Variants in KIAA0319 observed in about 807,000 individuals in gnomAD.
The protein encoded by KIAA0319 is dyslexia-associated protein KIAA0319.
KIAA0319 carries 83 observed loss-of-function variants against 108.4 expected under a neutral mutation model. The observed-to-expected ratio is 0.77, with a 90% CI of 0.64 to 0.92. The LOEUF is 0.92. Among genes scored for constraint, KIAA0319 ranks in the 40% least tolerant of loss-of-function variants. KIAA0319 has a pLI of 0.00. For missense variants in KIAA0319, 1,195 were observed against 1,322.4 expected (o/e 0.90, Z 1.49); for synonymous variants, 484 against 510.4 (o/e 0.95, Z 0.70).
rs545266419 is a variant in KIAA0319 at position 24,587,274 on chromosome 6, T to C, written c.994+1319A>G. On this transcript the variant is annotated intron_variant, in intron 4 of 20. Coordinates refer to ENST00000378214, the MANE Select transcript of KIAA0319 (RefSeq NM_014809.4). ...TAGTCAACTCCACACTATTTTCTTT[T>C]TTTTCCTTTTTTTTTGGTTTGAGAC... Among the ~76,000 whole-genome samples, 20 of 149,450 alleles carry C rather than the reference T, an allele frequency of 1.3e-4. No individual in the cohort carries two copies. The East Asian group carries it at 4.7e-3, about 35-fold the overall frequency.
chr6:24,587,663 T>G (rs1315314426), intron 4 of KIAA0319, among the ~76,000 whole-genome samples: 1 of 152,090 alleles, frequency 6.6e-6, no homozygotes, highest in Non-Finnish European at 1.5e-5. Context: ...CTCAGCTAAC[T>G]GCAACCTCTG....
At chr6:24,581,795 A>T (rs1329333715) in intron 6 of KIAA0319, among the ~76,000 whole-genome samples, 1 of 152,220 alleles carries the variant, frequency 6.6e-6, no homozygotes, top group Non-Finnish European at 1.5e-5. Context: ...CTGCCTGCCT[A>T]CTTGCATGCC....
chr6:24,574,913 G>T (rs1249813316), intron 10 of KIAA0319, among the ~76,000 whole-genome samples: 1 of 152,204 alleles, frequency 6.6e-6, no homozygotes, highest in East Asian at 1.9e-4. Context: ...GATCTGGTAC[G>T]AGAATGCTTC....
Position 24,544,448 on chromosome 6 carries a change from G to T in KIAA0319, c.*2717C>A, listed in dbSNP as rs903431201. 7.9e-5 allele frequency: 12 copies of T among 152,276 alleles called. No homozygotes were observed. The highest frequency in any genetic ancestry group is 2.6e-4 in the African/African-American group (11 of 41,544). 9.4% of individuals were successfully genotyped at this position (152,276 alleles called of 1,614,324 possible). A position where few individuals can be genotyped will look rare whatever the true frequency, so the allele number is the denominator to read the frequency against. ...AATATATTTTAAGCAATAAAACCAA[G>T]ATTAAAATAGTCCATGATAGCTTTG... On this transcript the variant is annotated 3_prime_UTR_variant, in exon 21 of 21. Coordinates refer to ENST00000378214, the MANE Select transcript of KIAA0319 (RefSeq NM_014809.4).
At chr6:24,554,332 C>A (rs948335397) in intron 19 of KIAA0319, among the ~76,000 whole-genome samples, 1 of 152,164 alleles carries the variant, frequency 6.6e-6, no homozygotes, top group East Asian at 1.9e-4. Context: ...GATACAGAAT[C>A]GTTGACCCTC....
At chr6:24,581,043 A>G (rs1582050178) in intron 6 of KIAA0319, 30 bp from the exon 7 acceptor site, 1 of 1,413,442 alleles carries the variant, frequency 7.1e-7, no homozygotes. Flanking sequence ...TGTACAGTTC[A>G]ACATGCAAGA....
At chr6:24,557,584 T>G (rs562682956) in intron 17 of KIAA0319, among the ~76,000 whole-genome samples, 44 of 152,340 alleles carry the variant, frequency 2.9e-4, no homozygotes, top group African/African-American at 1.0e-3. Flanking sequence ...TGGCAATTAT[T>G]GAGGACATGC....
At chr6:24,643,990 G>A (rs891542350) in intron 1 of KIAA0319, among the ~76,000 whole-genome samples, 1 of 152,206 alleles carries the variant, frequency 6.6e-6, no homozygotes, top group Non-Finnish European at 1.5e-5. Flanking sequence ...TTCCAGAAAC[G>A]GGCATACCTG....
chr6:24,557,775 A>G (rs1762508051), intron 17 of KIAA0319, among the ~76,000 whole-genome samples: 1 of 145,426 alleles, frequency 6.9e-6, no homozygotes, highest in African/African-American at 2.7e-5. Context: ...TTTTTTTTTT[A>G]AGAGACAAGG....
intron 1 of KIAA0319, among the ~76,000 whole-genome samples, chr6:24,618,342 C>T (rs558505843): frequency 2.0e-4 from 31 of 152,120 alleles, no homozygotes; most frequent in Non-Finnish European, 3.5e-4. Flanking sequence ...AGTAGAATGA[C>T]TCACAGTTAT....
intron 6 of KIAA0319, 112 bp downstream of exon 6, chr6:24,582,137 C>T (rs1766656388): frequency 2.9e-6 from 2 of 688,700 alleles, no homozygotes; most frequent in African/African-American, 1.8e-5. Flanking sequence ...CAGAGCAAGA[C>T]TCTGTCCCCA....
At chr6:24,607,001 T>A (rs1262181799) in intron 1 of KIAA0319, among the ~76,000 whole-genome samples, 1 of 152,188 alleles carries the variant, frequency 6.6e-6, no homozygotes, top group Non-Finnish European at 1.5e-5. Flanking sequence ...AACCTTTGAA[T>A]TCTTGAGGAA....
Position 24,601,044 on chromosome 6 carries a change from C to T in KIAA0319, c.55+5G>A, listed in dbSNP as rs1467296523. The T allele has an allele frequency of 6.2e-7, 1 of 1,613,754 alleles. No individual in the cohort carries two copies. The highest frequency in any genetic ancestry group is 8.5e-7 in the Non-Finnish European group (1 of 1,179,964). ...ACGGGTATCTCCAGGGTAGTAGTTC[C>T]CTACCTGCAATTGTCACCAGCAGCA... On this transcript the variant is annotated splice_donor_5th_base_variant and intron_variant, in intron 2 of 20. Coordinates refer to ENST00000378214, the MANE Select transcript of KIAA0319 (RefSeq NM_014809.4).
rs551142879 is a variant in KIAA0319 at position 24,609,393 on chromosome 6, A to G, written c.-105-8185T>C. Among the ~76,000 whole-genome samples, 4 of 152,160 alleles carry G rather than the reference A, an allele frequency of 2.6e-5. No individual in the cohort carries two copies. The South Asian group carries it at 8.3e-4, about 32-fold the overall frequency. ...GGAGATTGAGACCATCCTGGCCAAC[A>G]TGATGAAACCCCGTCTGTACTAAAA... On this transcript the variant is annotated intron_variant, in intron 1 of 20. Coordinates refer to ENST00000378214, the MANE Select transcript of KIAA0319 (RefSeq NM_014809.4).
intron 11 of KIAA0319, among the ~76,000 whole-genome samples, chr6:24,571,998 G>T (rs1331444804): frequency 6.6e-6 from 1 of 152,246 alleles, no homozygotes; most frequent in African/African-American, 2.4e-5. Flanking sequence ...CTAACTAATA[G>T]AACTTTTTAT....
chr6:24,541,140 A>T (rs2817239), downstream of KIAA0319, among the ~76,000 whole-genome samples: 4 of 151,810 alleles, frequency 2.6e-5, no homozygotes, highest in Non-Finnish European at 5.9e-5. Flanking sequence ...TATTATATAC[A>T]TGCAAAAAAA....
intron 1 of KIAA0319, among the ~76,000 whole-genome samples, chr6:24,601,875 G>A (rs193187054): frequency 6.5e-4 from 99 of 152,274 alleles, no homozygotes; most frequent in Admixed American, 1.8e-3. Flanking sequence ...GCTGCTTATT[G>A]TAGACAAGGG....
At chr6:24,595,201 G>A (rs560802097) in intron 3 of KIAA0319, among the ~76,000 whole-genome samples, 1 of 152,268 alleles carries the variant, frequency 6.6e-6, no homozygotes, top group East Asian at 1.9e-4. Flanking sequence ...CAAAGCCCCT[G>A]GGTGTATGTG....
At chr6:24,620,553 G>A (rs910087034) in intron 1 of KIAA0319, among the ~76,000 whole-genome samples, 5 of 152,224 alleles carry the variant, frequency 3.3e-5, no homozygotes, top group East Asian at 3.9e-4. Context: ...TGCCTGCCCC[G>A]GCCTCCCAAA....
Sources: gnomAD v4.1 joint callset for allele counts (sites outside exome capture counted in the v4.1 genomes callset) on GRCh38, gnomAD v4.1.1 for gene constraint, MANE v1.5 for transcripts, NCBI Gene and HGNC (gene_info 2026-07-23, HGNC 2026-07-21) for gene names.